CYTH4: variants seen among roughly 807,000 people sequenced by gnomAD.
CYTH4 encodes cytohesin-4.
CYTH4 carries 22 observed loss-of-function variants against 57.5 expected under a neutral mutation model. That is an observed-to-expected ratio of 0.38 (90% CI 0.27 to 0.55). CYTH4 has a LOEUF of 0.55. Ranked by LOEUF, CYTH4 falls within the 20% of genes least tolerant of loss-of-function variation. CYTH4 has a pLI of 0.74. For missense variants in CYTH4, 420 were observed against 535.6 expected, an observed-to-expected ratio of 0.78 and a Z score of 2.13; for synonymous variants, 186 against 206.5, an observed-to-expected ratio of 0.90 and a Z score of 0.85.
intron 4 of CYTH4, 101 bp from the exon 5 acceptor site, chr22:37,297,463 C>A: frequency 9.7e-7 from 1 of 1,032,292 alleles, no homozygotes; most frequent in Non-Finnish European, 1.5e-6. Context: ...ACCAGAATGC[C>A]AGGCTCCAGG....
Position 37,314,205 on chromosome 22 carries a change from GC to G in CYTH4, c.*698del, listed in dbSNP as rs1342289244. On this transcript the variant is annotated 3_prime_UTR_variant, in exon 13 of 13. Coordinates refer to ENST00000248901, the MANE Select transcript of CYTH4 (RefSeq NM_013385.5). ...CAGTGTTTGGACTAGAAACGTATTGGCCCCTGCTAGCCCTGTGCTCCAGCTT... is the reference window on the plus strand; with the variant it reads ...CAGTGTTTGGACTAGAAACGTATTGGCCCTGCTAGCCCTGTGCTCCAGCTT... The G allele has an allele frequency of 5.0e-6, 2 of 396,928 alleles. No homozygotes were observed. Among genetic ancestry groups the G allele is most frequent in the Non-Finnish European group, 8.9e-6 (2 of 225,510 alleles). 24.6% of individuals were successfully genotyped at this position (396,928 alleles called of 1,614,324 possible). A position where few individuals can be genotyped will look rare whatever the true frequency, so the allele number is the denominator to read the frequency against.
chr22:37,288,500 C>T (rs1270688839), intron 1 of CYTH4, among the ~76,000 whole-genome samples: 1 of 152,080 alleles, frequency 6.6e-6, no homozygotes, highest in African/African-American at 2.4e-5. Context: ...GCAGGAGAAT[C>T]GCTTGAACCT....
intron 7 of CYTH4, among the ~76,000 whole-genome samples, chr22:37,301,709 T>TGA (rs1929191262): frequency 5.0e-5 from 4 of 79,280 alleles, no homozygotes; most frequent in Non-Finnish European, 7.8e-5. Flanking sequence ...TTTTTTTTTT[T>TGA]GAGAGAGAAA....
At chr22:37,292,329 C>A in intron 1 of CYTH4, 1 of 407,914 alleles carries the variant, frequency 2.5e-6, no homozygotes, top group Non-Finnish European at 4.5e-6. Flanking sequence ...AGTAGAACAA[C>A]TGAACTCTCA....
chr22:37,282,536 G>T lies in CYTH4; in HGVS notation c.-34G>T, dbSNP rs1243927393. ...CAGCAGCTGGGTCGGCAAGCGACAG[G>T]AGCACGGGTCATCTTTTCCCCAGAG... On this transcript the variant is annotated 5_prime_UTR_variant, in exon 1 of 13. Transcript: ENST00000248901. 1 of 1,613,610 alleles carries T rather than the reference G, an allele frequency of 6.2e-7. No homozygotes were observed. Among genetic ancestry groups the T allele is most frequent in the Admixed American group, 1.7e-5 (1 of 59,910 alleles).
intron 1 of CYTH4, among the ~76,000 whole-genome samples, chr22:37,291,063 T>C (rs1928731884): frequency 6.6e-6 from 1 of 152,252 alleles, no homozygotes; most frequent in Non-Finnish European, 1.5e-5. Context: ...AGCTCTTTCC[T>C]TCCTGACAGC....
At chr22:37,304,789 T>G (rs1469045847) in intron 8 of CYTH4, among the ~76,000 whole-genome samples, 1 of 152,152 alleles carries the variant, frequency 6.6e-6, no homozygotes, top group Non-Finnish European at 1.5e-5. Context: ...GCCTGCTAGG[T>G]GACCTTGGGC....
rs1569109975 is a variant in CYTH4, at chr22:37,303,339, G to A, written c.633G>A (p.Glu211=). ...NPNVRDRPPF[E]RFVSMNRGIN... ...ACGTCCGGGACAGGCCGCCTTTTGAGCGCTTTGTGTCCATGAACCGCGGCA... is the reference window on the plus strand; with the variant it reads ...ACGTCCGGGACAGGCCGCCTTTTGAACGCTTTGTGTCCATGAACCGCGGCA... The change falls in exon 8 of 13, where the codon GAG becomes GAA. Residue 211 remains glutamate (E), a synonymous_variant. Transcript: ENST00000248901. 6.2e-7 allele frequency: 1 copy of A among 1,614,206 alleles called. No individual in the cohort carries two copies. The highest frequency in any genetic ancestry group is 2.2e-5 in the East Asian group (1 of 44,886).
chr22:37,287,177 A>G (rs5756591), intron 1 of CYTH4, among the ~76,000 whole-genome samples: 88,215 of 151,954 alleles, frequency 0.58, 25,925 homozygotes, highest in South Asian at 0.78. Context: ...AAGCTCAGAG[A>G]AGGGGCTGGA....
intron 1 of CYTH4, among the ~76,000 whole-genome samples, chr22:37,286,738 G>T (rs1928574683): frequency 6.6e-6 from 1 of 152,150 alleles, no homozygotes; most frequent in Non-Finnish European, 1.5e-5. Context: ...AGCCAGGGAG[G>T]CAGAGCACGG....
At chr22:37,306,399 C>T (rs763954325) in intron 8 of CYTH4, among the ~76,000 whole-genome samples, 1 of 152,214 alleles carries the variant, frequency 6.6e-6, no homozygotes, top group Admixed American at 6.5e-5. Context: ...AAGTACTTTA[C>T]GTTATTAAGT....
chr22:37,290,491 GT>G (rs199868807), intron 1 of CYTH4, among the ~76,000 whole-genome samples: 2 of 151,912 alleles, frequency 1.3e-5, no homozygotes, highest in African/African-American at 4.8e-5. Context: ...GGGGTCTTGG[GT>G]TTTTTTGTTT....
In CYTH4 at chr22:37,308,445, TGA is replaced by T. The variant is rs535789847; in HGVS notation, c.697-765_697-764del. ...ATATGCACGCAAGCGTGCATGTGTG[TGA>T]GTGTGCATGTATATAAGTGTGTGTG... is the stretch of plus-strand genomic sequence containing the variant. On this transcript the variant is annotated intron_variant, in intron 8 of 12. Coordinates refer to ENST00000248901, the MANE Select transcript of CYTH4 (RefSeq NM_013385.5). Among the ~76,000 whole-genome samples the T allele has an allele frequency of 2.4e-3, 368 of 150,410 alleles. 1 individual carries two copies. The highest frequency in any genetic ancestry group is 8.5e-3 in the African/African-American group (339 of 39,990).
intron 7 of CYTH4, 49 bp downstream of exon 7, chr22:37,301,068 GC>G: frequency 6.6e-7 from 1 of 1,522,444 alleles, no homozygotes; most frequent in Non-Finnish European, 9.0e-7. Flanking sequence ...CTTCAGCATT[GC>G]CAGGCATAGA....
chr22:37,310,431 T>C (rs139295397), intron 9 of CYTH4, among the ~76,000 whole-genome samples: 1 of 152,230 alleles, frequency 6.6e-6, no homozygotes, highest in East Asian at 1.9e-4. Flanking sequence ...TGCGGCAAAA[T>C]GGCCAAGAGT....
intron 2 of CYTH4, among the ~76,000 whole-genome samples, chr22:37,293,635 G>C (rs1692896677): frequency 6.6e-6 from 1 of 152,246 alleles, no homozygotes; most frequent in African/African-American, 2.4e-5. Context: ...CTGAGTCTCA[G>C]GACAAGTCCC....
At chr22:37,283,513 C>T (rs769411705) in intron 1 of CYTH4, among the ~76,000 whole-genome samples, 5 of 152,162 alleles carry the variant, frequency 3.3e-5, no homozygotes, top group Non-Finnish European at 7.4e-5. Flanking sequence ...TTGCTTCAAA[C>T]GCACCTAATG....
chr22:37,289,668 A>T (rs1450987967), intron 1 of CYTH4, among the ~76,000 whole-genome samples: 2 of 152,118 alleles, frequency 1.3e-5, no homozygotes, highest in Non-Finnish European at 2.9e-5. Context: ...TGGACGTACC[A>T]CTCACAAAGG....
At chr22:37,312,399 G>C (rs1403630817) in intron 12 of CYTH4, among the ~76,000 whole-genome samples, 1 of 152,206 alleles carries the variant, frequency 6.6e-6, no homozygotes, top group Admixed American at 6.5e-5. Context: ...CATGGGGTTG[G>C]TGGGAGAATA....
Sources: gnomAD v4.1 joint callset for allele counts (sites outside exome capture counted in the v4.1 genomes callset) on GRCh38, gnomAD v4.1.1 for gene constraint, MANE v1.5 for transcripts, NCBI Gene and HGNC (gene_info 2026-07-23, HGNC 2026-07-21) for gene names.